CFAP206: variants seen among roughly 807,000 people sequenced by gnomAD.
CFAP206 encodes cilia- and flagella-associated protein 206.
CFAP206 carries 53 observed loss-of-function variants against 65.4 expected under a neutral mutation model. The ratio of observed to expected loss-of-function variants is 0.81; its 90% CI spans 0.65 to 1.02. The LOEUF is 1.02. CFAP206 is among the 50% of genes least tolerant of loss of function. The probability of loss-of-function intolerance (pLI) is 0.00; values close to 1 mark genes in which losing one functional copy is unlikely to be tolerated. For missense variants in CFAP206, 663 were observed against 753.2 expected (o/e 0.88, Z 1.40); for synonymous variants, 250 against 254.4 (o/e 0.98, Z 0.17).
intron 10 of CFAP206, 93 bp downstream of exon 10, chr6:87,431,266 T>G (rs544002573): frequency 1.2e-5 from 15 of 1,219,102 alleles, no homozygotes; most frequent in Non-Finnish European, 1.7e-5. Context: ...CTTTAAAAAC[T>G]TTATGGAATC....
At chr6:87,413,726 C>T (rs1767775566) in intron 3 of CFAP206, 84 bp from the exon 4 acceptor site, 6 of 850,884 alleles carry the variant, frequency 7.1e-6, no homozygotes, top group Non-Finnish European at 1.1e-5. Flanking sequence ...CTGCTTTTCC[C>T]TTTATTTTTG....
In CFAP206 at chr6:87,460,644, G is replaced by C. The variant is rs143384162; in HGVS notation, c.1495-378G>C. Reference sequence around the variant, plus strand: ...ACTGCAACAGTGGAAAGAGTGGGAGGGGGGCATAGGCTGAAAAATGAACTA... The same window carrying C: ...ACTGCAACAGTGGAAAGAGTGGGAGCGGGGCATAGGCTGAAAAATGAACTA... On this transcript the variant is annotated intron_variant, in intron 11 of 12. Coordinates refer to ENST00000369562, the MANE Select transcript of CFAP206 (RefSeq NM_001031743.3). Among the ~76,000 whole-genome samples the C allele has an allele frequency of 3.7e-4, 57 of 152,082 alleles. 1 individual carries two copies. The highest frequency in any genetic ancestry group is 1.4e-3 in the African/African-American group (57 of 41,484).
At position 87,413,793 on chromosome 6, in the gene CFAP206, G is replaced by C. The variant is rs1182489186; in HGVS notation, c.193-17G>C. 7.0e-7 allele frequency: 1 copy of C among 1,433,504 alleles called. No homozygotes were observed. Among genetic ancestry groups the C allele is most frequent in the Non-Finnish European group, 9.6e-7 (1 of 1,043,864 alleles). The allele number at this position is 1,433,504 out of a possible 1,614,324, so 88.8% of individuals were successfully genotyped here. A position where few individuals can be genotyped will look rare whatever the true frequency, so the allele number is the denominator to read the frequency against. On this transcript the variant is annotated splice_polypyrimidine_tract_variant and intron_variant, in intron 3 of 12. Transcript: ENST00000369562. ...AAAAACTATAACTAGAAGTATTCATGGGACATTCTTTTCTAGCTTTGTATG... is the reference window on the plus strand; with the variant it reads ...AAAAACTATAACTAGAAGTATTCATCGGACATTCTTTTCTAGCTTTGTATG...
At chr6:87,457,761 G>C (rs1239437401) in intron 11 of CFAP206, among the ~76,000 whole-genome samples, 1 of 152,158 alleles carries the variant, frequency 6.6e-6, no homozygotes, top group Non-Finnish European at 1.5e-5. Flanking sequence ...ATATTGGACT[G>C]GGCAAAGATT....
In CFAP206 at chr6:87,417,553, C is replaced by CTTT. The variant is rs11394813; in HGVS notation, c.632-641_632-639dup. Among the ~76,000 whole-genome samples the CTTT allele has an allele frequency of 5.6e-3, 741 of 132,826 alleles. 8 individuals carry two copies. The highest frequency in any genetic ancestry group is 0.019 in the African/African-American group (695 of 36,078). 87.1% of individuals were successfully genotyped at this position (132,826 alleles called of 152,430 possible). A position where few individuals can be genotyped will look rare whatever the true frequency, so the allele number is the denominator to read the frequency against. On this transcript the variant is annotated intron_variant, in intron 6 of 12. Transcript: ENST00000369562. ...CAGATGAGTTTCTTAACAAACGTTCCTTTTTTTTTTTTTTTTAATAACTAG... is the reference window on the plus strand; with the variant it reads ...CAGATGAGTTTCTTAACAAACGTTCCTTTTTTTTTTTTTTTTTTTAATAACTAG...
chr6:87,409,793 TA>T lies in CFAP206; in HGVS notation c.-5-38del, dbSNP rs771100334. ...AAAAGAGGAAAAAAATAAATTTGCA[TA>T]AAACCACGGTTTTTTTAAAAAAAAT... is the stretch of plus-strand genomic sequence containing the variant. On this transcript the variant is annotated intron_variant, in intron 1 of 12. Transcript: ENST00000369562. 4.4e-6 allele frequency: 6 copies of T among 1,366,154 alleles called. No individual in the cohort carries two copies. The East Asian group carries it at 1.4e-4, about 32-fold the overall frequency. 84.6% of individuals were successfully genotyped at this position (1,366,154 alleles called of 1,614,324 possible).
chr6:87,408,732 TA>T (rs1169207796), intron 1 of CFAP206: 1 of 151,794 alleles, frequency 6.6e-6, no homozygotes, highest in African/African-American at 2.4e-5. Flanking sequence ...AAAACAGGAC[TA>T]ATTTAGTCCT....
At chr6:87,443,460 C>G (rs1182816651) in intron 11 of CFAP206, among the ~76,000 whole-genome samples, 1 of 151,914 alleles carries the variant, frequency 6.6e-6, no homozygotes, top group Non-Finnish European at 1.5e-5. Context: ...CTTTTCTGAT[C>G]TTTATTATTT....
intron 9 of CFAP206, among the ~76,000 whole-genome samples, 173 bp downstream of exon 9, chr6:87,428,997 T>C (rs1003146303): frequency 1.3e-5 from 2 of 152,176 alleles, no homozygotes; most frequent in Non-Finnish European, 2.9e-5. Flanking sequence ...TCCCAGCACT[T>C]TGGGGGGCCG....
intron 11 of CFAP206, among the ~76,000 whole-genome samples, chr6:87,442,897 G>A (rs778464712): frequency 2.0e-5 from 3 of 151,996 alleles, no homozygotes; most frequent in Non-Finnish European, 4.4e-5. Context: ...TTCTTTAGAA[G>A]TTTTACATTT....
Position 87,461,109 on chromosome 6 carries a change from A to C in CFAP206, c.1582A>C (p.Ile528Leu). 6.3e-7 allele frequency: 1 copy of C among 1,592,846 alleles called. No homozygotes were observed. The highest frequency in any genetic ancestry group is 8.5e-7 in the Non-Finnish European group (1 of 1,172,784). The change falls in exon 12 of 13, where the codon ATT (isoleucine) becomes CTT (leucine). Residue 528 changes from isoleucine to leucine, a missense_variant. Ile to Leu is a conservative substitution (Grantham distance 5). Transcript: ENST00000369562. ...QTNTHILPPTIVRSYEWNEWE... is the reference protein window; with the variant it reads ...QTNTHILPPTLVRSYEWNEWE... Reference sequence around the variant, plus strand: ...GAATACACACATACTGCCACCAACGATTGTGAGATCATATGAGTGGAATGA... The same window carrying C: ...GAATACACACATACTGCCACCAACGCTTGTGAGATCATATGAGTGGAATGA...
intron 7 of CFAP206, among the ~76,000 whole-genome samples, chr6:87,424,342 C>T (rs949079800): frequency 4.6e-5 from 7 of 152,034 alleles, no homozygotes; most frequent in African/African-American, 1.7e-4. Flanking sequence ...TGCAGTGGCT[C>T]GATCTTGGCT....
chr6:87,413,180 T>C (rs999469182), intron 3 of CFAP206, among the ~76,000 whole-genome samples: 1 of 152,232 alleles, frequency 6.6e-6, no homozygotes, highest in African/African-American at 2.4e-5. Flanking sequence ...AAATAACTTA[T>C]TACTTAACAA....
intron 11 of CFAP206, among the ~76,000 whole-genome samples, chr6:87,451,685 G>A (rs921979811): frequency 3.3e-5 from 5 of 151,968 alleles, no homozygotes; most frequent in Admixed American, 3.3e-4. Context: ...TTGGGTACCA[G>A]CTCAGTCACA....
chr6:87,419,244 G>A (rs1033760500), intron 7 of CFAP206, among the ~76,000 whole-genome samples: 2 of 152,170 alleles, frequency 1.3e-5, no homozygotes, highest in South Asian at 4.2e-4. Flanking sequence ...GGGGTAACAG[G>A]CATAAGCCAC....
chr6:87,433,319 C>CTT (rs1768193210), intron 10 of CFAP206, among the ~76,000 whole-genome samples: 1 of 152,100 alleles, frequency 6.6e-6, no homozygotes, highest in Non-Finnish European at 1.5e-5. Context: ...AATTTGTTAT[C>CTT]TTCTATAGCC....
chr6:87,433,185 A>C (rs1562247730), intron 10 of CFAP206, among the ~76,000 whole-genome samples: 1 of 152,124 alleles, frequency 6.6e-6, no homozygotes, highest in Admixed American at 6.5e-5. Context: ...CTAATCACTC[A>C]ATTTAAAATA....
In CFAP206 at chr6:87,446,814, C is replaced by T. The variant is rs111828460; in HGVS notation, c.1494+11761C>T. Among the ~76,000 whole-genome samples, 1,105 of 152,232 alleles carry T rather than the reference C, an allele frequency of 7.3e-3. 20 individuals carry two copies. The highest frequency in any genetic ancestry group is 0.025 in the African/African-American group (1,053 of 41,528). On this transcript the variant is annotated intron_variant, in intron 11 of 12. Transcript: ENST00000369562. The stretch of plus-strand genomic sequence containing the variant: ...GGCCATTTTCACAATATTGATTCTT[C>T]CTATTCATGAGAATGGAATGTTTTT...
intron 7 of CFAP206, among the ~76,000 whole-genome samples, chr6:87,418,994 C>T (rs186889891): frequency 9.2e-5 from 14 of 152,140 alleles, no homozygotes; most frequent in Admixed American, 8.5e-4. Flanking sequence ...TGCCTGTATT[C>T]CCAGCTACTC....
Sources: gnomAD v4.1 joint callset for allele counts (sites outside exome capture counted in the v4.1 genomes callset) on GRCh38, gnomAD v4.1.1 for gene constraint, MANE v1.5 for transcripts, NCBI Gene and HGNC (gene_info 2026-07-23, HGNC 2026-07-21) for gene names.